Variants in AGPAT5 observed in about 807,000 individuals in gnomAD.
The protein encoded by AGPAT5 is 1-acyl-sn-glycerol-3-phosphate acyltransferase epsilon.
In AGPAT5, 46 loss-of-function variants were observed where a neutral mutation model predicts 45.6. That is an observed-to-expected ratio of 1.01 (90% CI 0.80 to 1.29). AGPAT5 has a LOEUF of 1.29. AGPAT5 is among the 50% of genes most tolerant of loss of function. AGPAT5 has a pLI of 0.00. For synonymous variants in AGPAT5, 272 were observed against 167.0 expected (o/e 1.63, Z -4.85); for missense variants, 673 against 450.7 (o/e 1.49, Z -4.47).
intron 7 of AGPAT5, 23 bp from the exon 8 acceptor site, chr8:6,757,140 A>C (rs1307571128): frequency 1.9e-6 from 3 of 1,588,898 alleles, no homozygotes; most frequent in Non-Finnish European, 1.7e-6. Flanking sequence ...CTAAAATCTA[A>C]ACTTTTTCCA....
intron 3 of AGPAT5, among the ~76,000 whole-genome samples, chr8:6,731,106 C>T (rs1013413758): frequency 1.3e-5 from 2 of 151,982 alleles, no homozygotes; most frequent in South Asian, 2.1e-4. Context: ...AAGCAATCTG[C>T]CTGTCTCAGC....
At chr8:6,721,154 G>A (rs1327091853) in intron 1 of AGPAT5, among the ~76,000 whole-genome samples, 1 of 152,156 alleles carries the variant, frequency 6.6e-6, no homozygotes, top group African/African-American at 2.4e-5. Context: ...ACTATTCAAT[G>A]AAACGTTTTA....
intron 5 of AGPAT5, among the ~76,000 whole-genome samples, chr8:6,744,570 G>C (rs1200723697): frequency 6.6e-6 from 1 of 152,132 alleles, no homozygotes; most frequent in Non-Finnish European, 1.5e-5. Context: ...GGGGTCCTGT[G>C]CTTGGTCTGG....
At chr8:6,752,912 A>G (rs891982018) in intron 6 of AGPAT5, among the ~76,000 whole-genome samples, 3 of 152,162 alleles carry the variant, frequency 2.0e-5, no homozygotes, top group South Asian at 4.1e-4. Context: ...ACTTTGTCGC[A>G]TGCTCCTCTC....
chr8:6,712,143 G>C (rs750985489), intron 1 of AGPAT5, among the ~76,000 whole-genome samples: 4 of 152,012 alleles, frequency 2.6e-5, no homozygotes, highest in Non-Finnish European at 4.4e-5. Context: ...AAAGCATTTT[G>C]GTCTCTGCTT....
In AGPAT5 at chr8:6,747,708, A is replaced by T; in HGVS notation, c.625A>T (p.Lys209Ter). The T allele has an allele frequency of 6.2e-7, 1 of 1,614,218 alleles. No homozygotes were observed. Among genetic ancestry groups the T allele is most frequent in the Non-Finnish European group, 8.5e-7 (1 of 1,180,022 alleles). Reference protein sequence around the residue: ...VLKHVLTPRIKATHVAFDCMK... With the variant: ...VLKHVLTPRI The stretch of plus-strand genomic sequence containing the variant: ...AAAACATGTGCTAACACCACGAATA[A>T]AGGCAACTCACGTTGCTTTTGATTG... Residue 209 changes from lysine to a stop codon, truncating the protein, a stop_gained, in exon 6 of 8, where the codon AAG (lysine) becomes TAG (stop). Coordinates refer to ENST00000285518, the MANE Select transcript of AGPAT5 (RefSeq NM_018361.5). LOFTEE classifies it high-confidence loss of function.
rs555114046 is a variant in AGPAT5, at chr8:6,758,018, C to T, written c.*630C>T. 2.0e-5 allele frequency: 3 copies of T among 152,236 alleles called. No individual in the cohort carries two copies. Among genetic ancestry groups the T allele is most frequent in the African/African-American group, 7.2e-5 (3 of 41,534 alleles). 9.4% of individuals were successfully genotyped at this position (152,236 alleles called of 1,614,324 possible). On this transcript the variant is annotated 3_prime_UTR_variant, in exon 8 of 8. Coordinates refer to ENST00000285518, the MANE Select transcript of AGPAT5 (RefSeq NM_018361.5). ...AAATTTCTAATATTTATTGAAATTGCTTAATTTGCACACCCTGTACACACA... is the reference window on the plus strand; with the variant it reads ...AAATTTCTAATATTTATTGAAATTGTTTAATTTGCACACCCTGTACACACA...
intron 1 of AGPAT5, among the ~76,000 whole-genome samples, chr8:6,710,643 G>A (rs556543211): frequency 6.6e-6 from 1 of 152,322 alleles, no homozygotes; most frequent in Non-Finnish European, 1.5e-5. Flanking sequence ...TAGTAACAGA[G>A]CAGGGTATTT....
In AGPAT5 at chr8:6,734,694, A is replaced by G. The variant is rs368417269; in HGVS notation, c.495+2044A>G. On this transcript the variant is annotated intron_variant, in intron 4 of 7. Transcript: ENST00000285518. ...TTGCCTAACGCTGGGCCTTTTTTGT[A>G]AGACAGGAGAAATGGAGGCAAGTTG... 1.6e-4 allele frequency among the ~76,000 whole-genome samples: 24 copies of G among 152,056 alleles called. No individual in the cohort carries two copies. In the South Asian group the frequency reaches 4.8e-3, roughly 30 times the overall value.
intron 5 of AGPAT5, among the ~76,000 whole-genome samples, chr8:6,744,028 A>G (rs1440022715): frequency 3.3e-5 from 5 of 152,146 alleles, no homozygotes; most frequent in Admixed American, 6.5e-5. Context: ...TTAACTGAAT[A>G]AAAATTATTT....
At chr8:6,748,164 T>C (rs1801539974) in intron 6 of AGPAT5, among the ~76,000 whole-genome samples, 1 of 152,190 alleles carries the variant, frequency 6.6e-6, no homozygotes. Context: ...TGCACGTTAT[T>C]AGTCAGTGCT....
Position 6,757,468 on chromosome 8 carries a change from G to T in AGPAT5, c.*80G>T. On this transcript the variant is annotated 3_prime_UTR_variant, in exon 8 of 8. Coordinates refer to ENST00000285518, the MANE Select transcript of AGPAT5 (RefSeq NM_018361.5). Reference sequence around the variant, plus strand: ...TGCACATGACATCAAATTGTTTCCTGAATTTATTAAGGAGTGTAAATAAAG... The same window carrying T: ...TGCACATGACATCAAATTGTTTCCTTAATTTATTAAGGAGTGTAAATAAAG... The T allele has an allele frequency of 7.2e-6, 8 of 1,108,844 alleles. No individual in the cohort carries two copies. The highest frequency in any genetic ancestry group is 1.1e-5 in the Non-Finnish European group (8 of 743,354). The allele number at this position is 1,108,844 out of a possible 1,614,324, so 68.7% of individuals were successfully genotyped here.
chr8:6,734,318 G>T (rs77224957), intron 4 of AGPAT5, among the ~76,000 whole-genome samples: 3 of 150,278 alleles, frequency 2.0e-5, no homozygotes, highest in African/African-American at 7.3e-5. Flanking sequence ...TTACATTTTG[G>T]ATAATTTCTG....
chr8:6,750,572 G>T (rs1587064310), intron 6 of AGPAT5, among the ~76,000 whole-genome samples: 1 of 152,152 alleles, frequency 6.6e-6, no homozygotes, highest in African/African-American at 2.4e-5. Flanking sequence ...CATAGAAAAG[G>T]GGTCATTTCC....
At chr8:6,712,907 ATTTCT>A (rs1800199127) in intron 1 of AGPAT5, among the ~76,000 whole-genome samples, 1 of 152,172 alleles carries the variant, frequency 6.6e-6, no homozygotes, top group East Asian at 1.9e-4. Context: ...TTTTTAAAAA[ATTTCT>A]TTTCCCCCAT....
At chr8:6,711,836 C>A (rs547104120) in intron 1 of AGPAT5, among the ~76,000 whole-genome samples, 1 of 152,206 alleles carries the variant, frequency 6.6e-6, no homozygotes, top group Admixed American at 6.5e-5. Context: ...GCTGCCACCT[C>A]TTCTGTCTCA....
chr8:6,750,020 T>C (rs1017645242), intron 6 of AGPAT5, among the ~76,000 whole-genome samples: 2 of 152,210 alleles, frequency 1.3e-5, no homozygotes, highest in African/African-American at 2.4e-5. Flanking sequence ...CCCATGCATA[T>C]TCAGTAGTTG....
chr8:6,717,598 G>A (rs1372419675), intron 1 of AGPAT5, among the ~76,000 whole-genome samples: 2 of 152,288 alleles, frequency 1.3e-5, no homozygotes, highest in African/African-American at 4.8e-5. Flanking sequence ...AAAGAACTGA[G>A]GAAATAAAGG....
At chr8:6,715,396 T>A (rs1221532281) in intron 1 of AGPAT5, among the ~76,000 whole-genome samples, 1 of 152,134 alleles carries the variant, frequency 6.6e-6, no homozygotes, top group Non-Finnish European at 1.5e-5. Context: ...TCTATTTTAG[T>A]GGTAGCTGAT....
Sources: gnomAD v4.1 joint callset for allele counts (sites outside exome capture counted in the v4.1 genomes callset) on GRCh38, gnomAD v4.1.1 for gene constraint, MANE v1.5 for transcripts, NCBI Gene and HGNC (gene_info 2026-07-23, HGNC 2026-07-21) for gene names.